CEP83: variants seen among roughly 807,000 people sequenced by gnomAD.
The protein encoded by CEP83 is centrosomal protein 83.
In CEP83, 70 loss-of-function variants were observed where a neutral mutation model predicts 101.9. The observed-to-expected ratio is 0.69, with a 90% CI of 0.57 to 0.84. The LOEUF (loss-of-function observed/expected upper bound fraction) is 0.84, where lower values mean the gene tolerates loss of function less well. CEP83 is among the 40% of genes least tolerant of loss of function. CEP83 has a pLI of 0.00. For missense variants in CEP83, 715 were observed against 787.2 expected (o/e 0.91, Z 1.10); for synonymous variants, 264 against 267.9 (o/e 0.99, Z 0.14).
chr12:94,320,477 C>A (rs1200371765), intron 14 of CEP83, among the ~76,000 whole-genome samples: 1 of 151,402 alleles, frequency 6.6e-6, no homozygotes, highest in Non-Finnish European at 1.5e-5. Context: ...TGGCTGGTAA[C>A]CATCTTTTTT....
chr12:94,459,310 T>G (rs926945022), intron 1 of CEP83, among the ~76,000 whole-genome samples: 1 of 152,186 alleles, frequency 6.6e-6, no homozygotes, highest in African/African-American at 2.4e-5. Context: ...TTTTTCATCG[T>G]AAATTAAGCT....
chr12:94,427,527 T>C (rs966334115), intron 2 of CEP83, among the ~76,000 whole-genome samples: 3 of 152,332 alleles, frequency 2.0e-5, no homozygotes, highest in Middle Eastern at 6.8e-3. Context: ...CCATATGACA[T>C]TTTATTTTGC....
chr12:94,421,366 T>TTTTTATAGGTTAAAAA (rs1313829377), intron 2 of CEP83, among the ~76,000 whole-genome samples: 2 of 152,076 alleles, frequency 1.3e-5, no homozygotes, highest in African/African-American at 4.8e-5. Context: ...ACCTTATAAT[T>TTTTTATAGGTTAAAAA]CACAATTTTT....
intron 4 of CEP83, among the ~76,000 whole-genome samples, chr12:94,407,304 T>G (rs969038572): frequency 1.3e-5 from 2 of 151,848 alleles, no homozygotes; most frequent in African/African-American, 4.8e-5. Context: ...GCACTACAGA[T>G]ATAAAAAAAA....
At position 94,308,903 on chromosome 12, in the gene CEP83, T is replaced by C. The variant is rs949604118; in HGVS notation, c.2016A>G (p.Gln672=). The part of the protein sequence containing the change: ...FPPHMQEEQH[Q]RELSLLRKRL... ...TTTTGCGAAGTAGAGAGAGTTCCCT[T>C]TGATGTTGTTCCTCCTTAAAATGAT... is the stretch of plus-strand genomic sequence containing the variant. The change falls in exon 17 of 17, where the codon CAA becomes CAG. Residue 672 remains glutamine (Q), a synonymous_variant. Transcript: ENST00000397809. The C allele has an allele frequency of 9.9e-6, 16 of 1,610,052 alleles. No homozygotes were observed. The highest frequency in any genetic ancestry group is 2.7e-5 in the African/African-American group (2 of 74,790).
At chr12:94,286,353 T>C in the CEP83 span, among the ~76,000 whole-genome samples, 1 of 152,156 alleles carries the variant, frequency 6.6e-6, no homozygotes, top group Non-Finnish European at 1.5e-5. Context: ...TCAAAAGCCC[T>C]GTTTTTTAAA....
intron 2 of CEP83, among the ~76,000 whole-genome samples, chr12:94,421,035 GTATAT>G (rs980565254): frequency 2.6e-5 from 4 of 151,624 alleles, no homozygotes; most frequent in African/African-American, 9.7e-5. Context: ...TTTTCTATAT[GTATAT>G]TATAATTCAT....
chr12:94,391,814 A>G (rs2062560528), intron 6 of CEP83, among the ~76,000 whole-genome samples: 1 of 152,158 alleles, frequency 6.6e-6, no homozygotes, highest in Non-Finnish European at 1.5e-5. Context: ...TCAAGCAAAA[A>G]AAAAAAGCAG....
At chr12:94,454,182 G>A (rs2067467509) in intron 1 of CEP83, among the ~76,000 whole-genome samples, 1 of 151,976 alleles carries the variant, frequency 6.6e-6, no homozygotes, top group African/African-American at 2.4e-5. Context: ...ATACAAAAAT[G>A]TTATAAAGAA....
rs199820316 is a variant in CEP83, at chr12:94,348,012, A to T, written c.1344-12348T>A. Among the ~76,000 whole-genome samples the T allele has an allele frequency of 8.5e-5, 13 of 152,284 alleles. No individual in the cohort carries two copies. In the East Asian group the frequency reaches 2.5e-3, roughly 29 times the overall value. On this transcript the variant is annotated intron_variant, in intron 11 of 16. Coordinates refer to ENST00000397809, the MANE Select transcript of CEP83 (RefSeq NM_016122.3). ...GAGTTAGAAAATGGGAAACCAGTCG[A>T]TCTAATAAATAAACCAAAATCCTAA...
intron 6 of CEP83, among the ~76,000 whole-genome samples, chr12:94,380,699 G>A (rs2061800724): frequency 6.6e-6 from 1 of 152,140 alleles, no homozygotes; most frequent in Non-Finnish European, 1.5e-5. Context: ...TCAGACAATG[G>A]TGCCCTTTAC....
rs1325616604 is a variant in CEP83, at chr12:94,335,661, T to C, written c.1347A>G (p.Leu449=). The C allele has an allele frequency of 1.3e-5, 20 of 1,577,810 alleles. No individual in the cohort carries two copies. Among genetic ancestry groups the C allele is most frequent in the Non-Finnish European group, 1.7e-5 (20 of 1,160,304 alleles). The change falls in exon 12 of 17, where the codon TTA becomes TTG. Residue 449 remains leucine (L), a synonymous_variant. Coordinates refer to ENST00000397809, the MANE Select transcript of CEP83 (RefSeq NM_016122.3). ...ITRKELQSVR[L]KLQQQIVTIE... is the part of the protein sequence containing the mutation. ...TAGTCACAATTTGTTGCTGAAGTTT[T>C]AACCTAAAAATCACAACCCAACAAA... is the stretch of plus-strand genomic sequence containing the variant.
intron 15 of CEP83, among the ~76,000 whole-genome samples, chr12:94,310,554 T>A (rs1327929107): frequency 6.6e-6 from 1 of 152,184 alleles, no homozygotes; most frequent in Non-Finnish European, 1.5e-5. Context: ...ATACAAGTCC[T>A]GCAGTCAGCC....
chr12:94,282,487 A>C, the CEP83 span: 1 of 868,916 alleles, frequency 1.2e-6, no homozygotes, highest in Non-Finnish European at 1.9e-6. Context: ...CAGGACTCCC[A>C]CCCATTTCCT....
chr12:94,301,095 A>T, the CEP83 span: 1 of 1,593,998 alleles, frequency 6.3e-7, no homozygotes, highest in South Asian at 1.1e-5. Context: ...ATGCAGTCTT[A>T]TGAGTTTGAC....
At position 94,331,357 on chromosome 12, in the gene CEP83, C is replaced by CTTTTTTT. The variant is rs1161292599; in HGVS notation, c.1707+336_1707+342dup. Reference sequence around the variant, plus strand: ...TACTCCATAGAAATCACCTTTTTTCCTTTTTTTTTTTTTTTTTTTTTTTTT... The same window carrying CTTTTTTT: ...TACTCCATAGAAATCACCTTTTTTCCTTTTTTTTTTTTTTTTTTTTTTTTTTTTTTTT... On this transcript the variant is annotated intron_variant, in intron 14 of 16. Coordinates refer to ENST00000397809, the MANE Select transcript of CEP83 (RefSeq NM_016122.3). Among the ~76,000 whole-genome samples the CTTTTTTT allele has an allele frequency of 2.5e-4, 17 of 66,802 alleles. 1 individual carries two copies. Among genetic ancestry groups the CTTTTTTT allele is most frequent in the Admixed American group, 6.2e-4 (3 of 4,812 alleles). 43.8% of individuals were successfully genotyped at this position (66,802 alleles called of 152,430 possible).
At chr12:94,291,564 G>T in the CEP83 span, among the ~76,000 whole-genome samples, 53 of 152,214 alleles carry the variant, frequency 3.5e-4, 1 homozygote, top group Middle Eastern at 6.8e-3. Flanking sequence ...AAGCTAATTC[G>T]TTTAAAGTAT....
chr12:94,411,646 A>C, intron 4 of CEP83, 51 bp downstream of exon 4: 1 of 1,399,776 alleles, frequency 7.1e-7, no homozygotes, highest in South Asian at 1.3e-5. Flanking sequence ...TACTTCCACT[A>C]CGTATCTGAC....
chr12:94,450,041 C>T (rs1363269850), intron 1 of CEP83, among the ~76,000 whole-genome samples: 4 of 152,136 alleles, frequency 2.6e-5, no homozygotes, highest in Non-Finnish European at 4.4e-5. Context: ...AGAAAATCTA[C>T]AGCTAACATT....
Sources: allele counts gnomAD v4.1 joint callset (sites outside exome capture counted in the v4.1 genomes callset), GRCh38; gene constraint gnomAD v4.1.1; transcripts MANE v1.5; gene names NCBI Gene and HGNC (gene_info 2026-07-23, HGNC 2026-07-21).